The following GSG1L variants were observed in gnomAD, a reference collection of about 807,000 sequenced individuals.
GSG1L encodes the protein GSG1 like, also known as germ cell-specific gene 1-like protein.
In GSG1L, 24 loss-of-function variants were observed where a neutral mutation model predicts 42.1. That is an observed-to-expected ratio of 0.57 (90% CI 0.41 to 0.80). The LOEUF (loss-of-function observed/expected upper bound fraction) is 0.80. Ranked by LOEUF, GSG1L falls within the 30% of genes least tolerant of loss-of-function variation. GSG1L has a pLI of 0.00. For missense variants in GSG1L, 445 were observed against 472.2 expected (o/e 0.94, Z 0.53); for synonymous variants, 215 against 203.5 (o/e 1.06, Z -0.48).
intron 1 of GSG1L, among the ~76,000 whole-genome samples, chr16:27,982,236 C>T (rs944391637): frequency 6.6e-6 from 1 of 152,184 alleles, no homozygotes; most frequent in African/African-American, 2.4e-5. Flanking sequence ...TGTGGTGACA[C>T]GCACCTGTAG....
chr16:27,816,389 A>G (rs1162699455), intron 5 of GSG1L, among the ~76,000 whole-genome samples: 1 of 152,144 alleles, frequency 6.6e-6, no homozygotes, highest in Non-Finnish European at 1.5e-5. Flanking sequence ...AGTCCCCCAA[A>G]CTGGGGACAA....
chr16:27,988,122 G>T (rs1198165501), intron 1 of GSG1L, among the ~76,000 whole-genome samples: 1 of 152,022 alleles, frequency 6.6e-6, no homozygotes, highest in African/African-American at 2.4e-5. Flanking sequence ...ACAAGTTTAA[G>T]TTTATATACT....
chr16:27,976,090 T>C (rs1010526661), intron 1 of GSG1L, among the ~76,000 whole-genome samples: 4 of 151,992 alleles, frequency 2.6e-5, no homozygotes, highest in Non-Finnish European at 5.9e-5. Flanking sequence ...GCCTGGCCAA[T>C]GTGGTGAAAC....
chr16:28,049,471 C>G (rs192933715), intron 1 of GSG1L, among the ~76,000 whole-genome samples: 22 of 151,344 alleles, frequency 1.5e-4, no homozygotes, highest in Admixed American at 3.3e-4. Flanking sequence ...ACTTGAGCCC[C>G]GAAGTTCAAG....
At chr16:27,869,644 C>CCTT (rs1567496108) in intron 3 of GSG1L, among the ~76,000 whole-genome samples, 2 of 123,404 alleles carry the variant, frequency 1.6e-5, no homozygotes, top group East Asian at 5.4e-4. Context: ...ATCTCTCTCT[C>CCTT]CTCTCTGTCT....
At chr16:27,851,406 G>A (rs550097981) in intron 3 of GSG1L, among the ~76,000 whole-genome samples, 1 of 152,136 alleles carries the variant, frequency 6.6e-6, no homozygotes, top group South Asian at 2.1e-4. Flanking sequence ...ATGTTGTCCA[G>A]GCTGGTCTTG....
chr16:27,888,402 TTC>T (rs2084057393), intron 2 of GSG1L, among the ~76,000 whole-genome samples: 1 of 7,366 alleles, frequency 1.4e-4, no homozygotes, highest in Non-Finnish European at 4.4e-4. Flanking sequence ...TCTTTTCTCC[TTC>T]TTTCTTTCTT....
At chr16:28,061,927 G>C (rs985204772) in intron 1 of GSG1L, among the ~76,000 whole-genome samples, 1 of 152,200 alleles carries the variant, frequency 6.6e-6, no homozygotes, top group Non-Finnish European at 1.5e-5. Context: ...TTTTCACTGG[G>C]TTCGCTTCAC....
chr16:27,856,055 A>T (rs1253988754), intron 3 of GSG1L, among the ~76,000 whole-genome samples: 1 of 152,126 alleles, frequency 6.6e-6, no homozygotes, highest in Non-Finnish European at 1.5e-5. Context: ...AGCACTACTG[A>T]CATTTGGGGA....
chr16:27,893,704 C>T (rs772250613), intron 2 of GSG1L, among the ~76,000 whole-genome samples: 1 of 152,068 alleles, frequency 6.6e-6, no homozygotes, highest in Non-Finnish European at 1.5e-5. Context: ...CTCAGCCTCC[C>T]GAGTAGCTGG....
intron 2 of GSG1L, among the ~76,000 whole-genome samples, chr16:27,949,064 C>G (rs757169358): frequency 6.6e-6 from 1 of 151,698 alleles, no homozygotes; most frequent in African/African-American, 2.4e-5. Context: ...ACTACAGGCA[C>G]GTGCCACCAT....
chr16:27,877,075 C>T (rs116310390), intron 3 of GSG1L, among the ~76,000 whole-genome samples: 371 of 152,194 alleles, frequency 2.4e-3, no homozygotes, highest in African/African-American at 8.3e-3. Context: ...GGGGGAGGAA[C>T]AGAAATTTGC....
At chr16:27,988,780 C>G (rs2085418068) in intron 1 of GSG1L, among the ~76,000 whole-genome samples, 1 of 148,320 alleles carries the variant, frequency 6.7e-6, no homozygotes, top group Non-Finnish European at 1.5e-5. Context: ...GAGGGCTGGG[C>G]CTGGTGGCTC....
intron 3 of GSG1L, among the ~76,000 whole-genome samples, chr16:27,866,717 T>TAGG (rs2083730822): frequency 6.6e-6 from 1 of 152,102 alleles, no homozygotes; most frequent in Non-Finnish European, 1.5e-5. Flanking sequence ...GACTACAGAC[T>TAGG]TGCACCACCA....
At position 28,011,822 on chromosome 16, in the gene GSG1L, C is replaced by A. The variant is rs147244286; in HGVS notation, c.350-48619G>T. ...GACAGAGGACAGAAAGCTTCTATTT[C>A]GCTTAAGCCGCTATAATTTTGGGTA... On this transcript the variant is annotated intron_variant, in intron 1 of 6. Coordinates refer to ENST00000447459, the MANE Select transcript of GSG1L (RefSeq NM_001109763.2). Among the ~76,000 whole-genome samples the A allele has an allele frequency of 2.0e-5, 3 of 152,272 alleles. No individual in the cohort carries two copies. The East Asian group carries it at 5.8e-4, about 29-fold the overall frequency.
chr16:27,969,842 A>G (rs753627050), intron 1 of GSG1L, among the ~76,000 whole-genome samples: 11 of 152,176 alleles, frequency 7.2e-5, no homozygotes, highest in Non-Finnish European at 1.0e-4. Flanking sequence ...GAGGATTCCA[A>G]TTTCTCCATG....
At chr16:27,965,476 C>T (rs1431827955) in intron 1 of GSG1L, among the ~76,000 whole-genome samples, 1 of 152,130 alleles carries the variant, frequency 6.6e-6, no homozygotes, top group African/African-American at 2.4e-5. Context: ...TCTGAACTTT[C>T]TACTTCTTCC....
intron 1 of GSG1L, among the ~76,000 whole-genome samples, chr16:27,968,708 A>G (rs905962161): frequency 6.6e-6 from 1 of 152,152 alleles, no homozygotes; most frequent in Non-Finnish European, 1.5e-5. Context: ...TCTCACCACC[A>G]ACTGGGCACC....
chr16:27,797,881 A>C (rs994446335), intron 6 of GSG1L, among the ~76,000 whole-genome samples: 4 of 151,972 alleles, frequency 2.6e-5, no homozygotes, highest in Admixed American at 6.6e-5. Context: ...TTTCGTAGCA[A>C]CATGGGTAGA....
Sources: gnomAD v4.1 joint callset for allele counts (sites outside exome capture counted in the v4.1 genomes callset) on GRCh38, gnomAD v4.1.1 for gene constraint, MANE v1.5 for transcripts, NCBI Gene and HGNC (gene_info 2026-07-23, HGNC 2026-07-21) for gene names.